The following WDR7 variants were observed in gnomAD, a reference collection of about 807,000 sequenced individuals.
WDR7 encodes the protein WD repeat-containing protein 7.
WDR7 carries 46 observed loss-of-function variants against 169.4 expected under a neutral mutation model. The observed-to-expected ratio is 0.27, with a 90% CI of 0.21 to 0.35. The LOEUF (loss-of-function observed/expected upper bound fraction) is 0.35. Ranked by LOEUF, WDR7 falls within the 10% of genes least tolerant of loss-of-function variation. WDR7 has a pLI of 1.00. For synonymous variants in WDR7, 612 were observed against 666.8 expected, an observed-to-expected ratio of 0.92 and a Z score of 1.27; for missense variants, 1,534 against 1,859.3, an observed-to-expected ratio of 0.83 and a Z score of 3.22.
In WDR7 at chr18:56,935,835, CTGCGAGGCA is replaced by C; in HGVS notation, c.3765_3773del (p.Arg1256_Ala1258del). Reference sequence around the variant, plus strand: ...AGCCCAGCAGCTGACTCGGCCCGCTCTGCGAGGCATGCCCTCTCGCTCATTGCCACCGCC... The same window carrying C: ...AGCCCAGCAGCTGACTCGGCCCGCTCTGCCCTCTCGCTCATTGCCACCGCC... On this transcript the variant is annotated inframe_deletion, in exon 23 of 28. Coordinates refer to ENST00000254442, the MANE Select transcript of WDR7 (RefSeq NM_015285.3). 6.2e-7 allele frequency: 1 copy of C among 1,614,222 alleles called. No individual in the cohort carries two copies. The highest frequency in any genetic ancestry group is 2.2e-5 in the East Asian group (1 of 44,886).
intron 20 of WDR7, among the ~76,000 whole-genome samples, chr18:56,827,458 A>G (rs1159105944): frequency 1.3e-5 from 2 of 152,086 alleles, no homozygotes; most frequent in Admixed American, 6.6e-5. Flanking sequence ...AGAAAGACAA[A>G]TGTCGCCTGT....
chr18:56,677,444 G>A (rs1213871003), intron 2 of WDR7, among the ~76,000 whole-genome samples: 1 of 152,066 alleles, frequency 6.6e-6, no homozygotes, highest in Non-Finnish European at 1.5e-5. Context: ...CTGCCTCCTG[G>A]GTTCCAGGGA....
At chr18:56,848,841 G>A (rs1038448530) in intron 20 of WDR7, among the ~76,000 whole-genome samples, 1 of 152,110 alleles carries the variant, frequency 6.6e-6, no homozygotes, top group Non-Finnish European at 1.5e-5. Context: ...CCAAGAAGAT[G>A]CTGGCACCAT....
intron 20 of WDR7, among the ~76,000 whole-genome samples, chr18:56,858,861 C>T (rs557758546): frequency 5.4e-4 from 82 of 152,240 alleles, no homozygotes; most frequent in Middle Eastern, 3.4e-3. Flanking sequence ...CGTCTCAACC[C>T]CTGCCTTCTT....
intron 6 of WDR7, 80 bp downstream of exon 6, chr18:56,686,112 A>AT (rs1425946269): frequency 2.2e-4 from 253 of 1,168,638 alleles, no homozygotes; most frequent in African/African-American, 3.4e-4. Context: ...TGCCCCTTCC[A>AT]TTTTTTTTAA....
At chr18:56,983,826 CAG>C (rs1190551310) in intron 26 of WDR7, among the ~76,000 whole-genome samples, 1 of 152,150 alleles carries the variant, frequency 6.6e-6, no homozygotes, top group Non-Finnish European at 1.5e-5. Context: ...CTAGAATAAA[CAG>C]ATAATATTCC....
intron 19 of WDR7, among the ~76,000 whole-genome samples, chr18:56,800,986 G>C (rs1386284918): frequency 6.6e-6 from 1 of 152,114 alleles, no homozygotes; most frequent in Admixed American, 6.5e-5. Flanking sequence ...ATATGTATGT[G>C]CACTAGCCCA....
At chr18:56,907,261 A>AT in intron 21 of WDR7, among the ~76,000 whole-genome samples, 1 of 152,278 alleles carries the variant, frequency 6.6e-6, no homozygotes, top group East Asian at 1.9e-4. Flanking sequence ...TTCCACAAAT[A>AT]TTTTTTAGTG....
intron 20 of WDR7, among the ~76,000 whole-genome samples, chr18:56,866,525 A>G (rs1482675094): frequency 1.3e-5 from 2 of 152,072 alleles, no homozygotes; most frequent in Admixed American, 6.6e-5. Flanking sequence ...TTTTTTTTCT[A>G]TGAGTAAATA....
intron 14 of WDR7, among the ~76,000 whole-genome samples, chr18:56,745,466 C>T (rs1025506765): frequency 6.6e-6 from 1 of 152,108 alleles, no homozygotes; most frequent in African/African-American, 2.4e-5. Context: ...TAGATGGTTT[C>T]GGGATGAAAC....
intron 15 of WDR7, among the ~76,000 whole-genome samples, chr18:56,758,036 T>C (rs549463298): frequency 2.0e-5 from 3 of 152,264 alleles, no homozygotes; most frequent in Non-Finnish European, 4.4e-5. Context: ...GATTGACGTG[T>C]TCAGAGATTT....
At chr18:57,014,938 A>G (rs982995925) in intron 26 of WDR7, among the ~76,000 whole-genome samples, 1 of 152,158 alleles carries the variant, frequency 6.6e-6, no homozygotes, top group African/African-American at 2.4e-5. Flanking sequence ...TGTCACACTA[A>G]GATTGGTCAC....
chr18:56,847,945 G>C (rs1180033758), intron 20 of WDR7, among the ~76,000 whole-genome samples: 1 of 152,236 alleles, frequency 6.6e-6, no homozygotes, highest in Admixed American at 6.5e-5. Context: ...GGAAACCTCT[G>C]CTTAGGCACT....
At chr18:57,020,070 T>C (rs2048266155) in intron 26 of WDR7, among the ~76,000 whole-genome samples, 2 of 152,188 alleles carry the variant, frequency 1.3e-5, no homozygotes, top group African/African-American at 4.8e-5. Flanking sequence ...AAAATACAAC[T>C]TCCTTTTTAT....
chr18:56,969,546 T>TTTATA (rs2047454942), intron 26 of WDR7, among the ~76,000 whole-genome samples: 1 of 152,226 alleles, frequency 6.6e-6, no homozygotes, highest in Non-Finnish European at 1.5e-5. Flanking sequence ...TACATTTATC[T>TTTATA]TTATATTATA....
At chr18:56,828,962 T>C (rs1349943298) in intron 20 of WDR7, among the ~76,000 whole-genome samples, 1 of 151,914 alleles carries the variant, frequency 6.6e-6, no homozygotes, top group Non-Finnish European at 1.5e-5. Context: ...AAAACCTGTC[T>C]TGCCCCTTGA....
chr18:56,726,211 G>A (rs1598993794), intron 13 of WDR7, among the ~76,000 whole-genome samples: 4 of 152,224 alleles, frequency 2.6e-5, no homozygotes, highest in East Asian at 3.9e-4. Flanking sequence ...AGCTTGATGG[G>A]GATGGCATTG....
intron 21 of WDR7, among the ~76,000 whole-genome samples, chr18:56,916,808 C>T (rs149764800): frequency 9.0e-4 from 137 of 152,202 alleles, no homozygotes; most frequent in African/African-American, 3.2e-3. Context: ...TAAAAGAAGT[C>T]CGTGTTCTGT....
intron 1 of WDR7, among the ~76,000 whole-genome samples, chr18:56,659,393 T>C (rs566092094): frequency 1.3e-5 from 2 of 152,326 alleles, no homozygotes; most frequent in South Asian, 2.1e-4. Flanking sequence ...ATTCAAGTAT[T>C]TGGATTCCTT....
Sources: gnomAD v4.1 joint callset for allele counts (sites outside exome capture counted in the v4.1 genomes callset) on GRCh38, gnomAD v4.1.1 for gene constraint, MANE v1.5 for transcripts, NCBI Gene and HGNC (gene_info 2026-07-23, HGNC 2026-07-21) for gene names.